The following ERC1 variants were observed in gnomAD, a reference collection of about 807,000 sequenced individuals.
The protein encoded by ERC1 is RAB6 interacting protein 2.
ERC1 carries 56 observed loss-of-function variants against 132.0 expected under a neutral mutation model. The observed-to-expected ratio is 0.42, with a 90% CI of 0.34 to 0.53. The LOEUF (loss-of-function observed/expected upper bound fraction) is 0.53, where lower values mean the gene tolerates loss of function less well. ERC1 is among the 20% of genes least tolerant of loss of function. ERC1 has a pLI of 0.03. For synonymous variants in ERC1, 478 were observed against 476.1 expected, an observed-to-expected ratio of 1.00 and a Z score of -0.05; for missense variants, 1,202 against 1,349.9, an observed-to-expected ratio of 0.89 and a Z score of 1.72.
At chr12:1,118,910 ACC>A (rs1946745415) in intron 7 of ERC1, among the ~76,000 whole-genome samples, 1 of 152,294 alleles carries the variant, frequency 6.6e-6, no homozygotes, top group Middle Eastern at 3.4e-3. Context: ...TTACTCTGTC[ACC>A]CAAGCTGGAG....
At chr12:1,422,254 G>A (rs1461078301) in intron 17 of ERC1, among the ~76,000 whole-genome samples, 6 of 152,220 alleles carry the variant, frequency 3.9e-5, no homozygotes, top group Admixed American at 6.5e-5. Flanking sequence ...AGCTTGTGAC[G>A]TTAGAAGCAA....
intron 15 of ERC1, among the ~76,000 whole-genome samples, chr12:1,307,971 A>G (rs1421322594): frequency 6.6e-6 from 1 of 152,228 alleles, no homozygotes; most frequent in Non-Finnish European, 1.5e-5. Context: ...TGTAAATCCC[A>G]TCTGAATACT....
chr12:1,296,483 G>A (rs1025851680), intron 15 of ERC1, among the ~76,000 whole-genome samples: 31 of 130,554 alleles, frequency 2.4e-4, no homozygotes, highest in South Asian at 2.4e-4. Context: ...GCGCCATCTC[G>A]GCTCACTGCA....
chr12:1,074,326 G>A (rs1316495461), intron 2 of ERC1, among the ~76,000 whole-genome samples: 7 of 149,982 alleles, frequency 4.7e-5, no homozygotes, highest in South Asian at 2.1e-4. Context: ...TTTTTTTTCC[G>A]AGACAGAGCT....
intron 17 of ERC1, chr12:1,443,195 G>C (rs193093705): frequency 6.6e-6 from 1 of 151,966 alleles, no homozygotes; most frequent in Non-Finnish European, 1.5e-5. Flanking sequence ...CACCACACCC[G>C]GCCAAATAAT....
intron 15 of ERC1, among the ~76,000 whole-genome samples, chr12:1,368,684 T>C (rs2086889940): frequency 6.6e-6 from 1 of 152,206 alleles, no homozygotes; most frequent in African/African-American, 2.4e-5. Context: ...TCCAAATTTT[T>C]TTCAAGAGGT....
chr12:1,385,844 G>C (rs2089277480), intron 16 of ERC1: 1 of 152,126 alleles, frequency 6.6e-6, no homozygotes, highest in South Asian at 2.1e-4. Flanking sequence ...AACAATCTCA[G>C]ATGAGACTAA....
At chr12:1,232,844 T>C (rs1285158922) in intron 12 of ERC1, among the ~76,000 whole-genome samples, 1 of 152,024 alleles carries the variant, frequency 6.6e-6, no homozygotes, top group African/African-American at 2.4e-5. Flanking sequence ...AGGGCTTTAT[T>C]GGTTTACTTC....
At position 1,274,165 on chromosome 12, in the gene ERC1, A is replaced by G. The variant is rs113265486; in HGVS notation, c.2619+11000A>G. On this transcript the variant is annotated intron_variant, in intron 14 of 18. Transcript: ENST00000360905. ...TGAGAGTCATCTACATTAGATGTCC[A>G]TAGTGAGAACATGCCACCCCAGCAT... 3.9e-3 allele frequency among the ~76,000 whole-genome samples: 588 copies of G among 152,348 alleles called. 1 individual carries two copies. The highest frequency in any genetic ancestry group is 0.013 in the African/African-American group (554 of 41,578).
chr12:1,464,295 A>C (rs2093698787), intron 18 of ERC1, among the ~76,000 whole-genome samples: 1 of 152,044 alleles, frequency 6.6e-6, no homozygotes. Flanking sequence ...TGTTCCAGTC[A>C]TTTCCTTCCA....
intron 2 of ERC1, among the ~76,000 whole-genome samples, chr12:1,060,175 C>CTTTTTTTTTTTTTTTT (rs563850203): frequency 6.9e-6 from 1 of 144,262 alleles, no homozygotes; most frequent in Non-Finnish European, 1.5e-5. Context: ...AAGGCCACTT[C>CTTTTTTTTTTTTTTTT]TTTTTTTTTT....
At chr12:1,445,742 T>G (rs1364270712) in intron 18 of ERC1, among the ~76,000 whole-genome samples, 2 of 152,206 alleles carry the variant, frequency 1.3e-5, no homozygotes, top group Non-Finnish European at 2.9e-5. Flanking sequence ...CCGAAAGGGC[T>G]GATTTATAAG....
At chr12:1,174,704 C>T (rs1257369512) in intron 8 of ERC1, among the ~76,000 whole-genome samples, 1 of 152,204 alleles carries the variant, frequency 6.6e-6, no homozygotes, top group African/African-American at 2.4e-5. Flanking sequence ...TAAAACAAAT[C>T]TGTCTTCTTG....
At chr12:1,439,162 G>A (rs925970170) in intron 17 of ERC1, among the ~76,000 whole-genome samples, 11 of 152,074 alleles carry the variant, frequency 7.2e-5, no homozygotes, top group African/African-American at 1.9e-4. Context: ...CTGGACAGAC[G>A]CTTCACTCTG....
chr12:1,349,966 G>T (rs537448778), intron 15 of ERC1, among the ~76,000 whole-genome samples: 1 of 152,186 alleles, frequency 6.6e-6, no homozygotes, highest in South Asian at 2.1e-4. Flanking sequence ...TTTGTCTCCA[G>T]GTCCACTCTA....
At chr12:1,229,379 T>G (rs901335671) in intron 12 of ERC1, among the ~76,000 whole-genome samples, 1 of 152,166 alleles carries the variant, frequency 6.6e-6, no homozygotes, top group Non-Finnish European at 1.5e-5. Context: ...TGCATGCCTG[T>G]GGTTGCAGCA....
intron 15 of ERC1, among the ~76,000 whole-genome samples, chr12:1,315,886 A>G (rs2081662600): frequency 6.6e-6 from 1 of 151,626 alleles, no homozygotes; most frequent in Admixed American, 6.6e-5. Flanking sequence ...TTACAGTATG[A>G]AATGGTAAAC....
In ERC1 at chr12:1,444,555, G is replaced by T; in HGVS notation, c.3025-7G>T. On this transcript the variant is annotated splice_region_variant and splice_polypyrimidine_tract_variant and intron_variant, in intron 17 of 18. Coordinates refer to ENST00000360905, the MANE Select transcript of ERC1 (RefSeq NM_178040.4). ...TTATTTTATTTTATTTTATTTTTTT[G>T]CCTTAGATCATCCAGCCCCTCTTAG... is the stretch of plus-strand genomic sequence containing the variant. The T allele has an allele frequency of 2.5e-6, 4 of 1,571,260 alleles. No individual in the cohort carries two copies. Among genetic ancestry groups the T allele is most frequent in the Admixed American group, 3.7e-5 (2 of 54,162 alleles).
At chr12:1,131,145 GT>G (rs1259488499) in intron 7 of ERC1, among the ~76,000 whole-genome samples, 1 of 152,176 alleles carries the variant, frequency 6.6e-6, no homozygotes, top group Non-Finnish European at 1.5e-5. Context: ...AGAATTTTAG[GT>G]TTTTAGAACT....
Sources: allele counts gnomAD v4.1 joint callset (sites outside exome capture counted in the v4.1 genomes callset), GRCh38; gene constraint gnomAD v4.1.1; transcripts MANE v1.5; gene names NCBI Gene and HGNC (gene_info 2026-07-23, HGNC 2026-07-21).